HECW2: variants seen among roughly 807,000 people sequenced by gnomAD.
HECW2 encodes HECT, C2 and WW domain containing E3 ubiquitin protein ligase 2, also known as E3 ubiquitin-protein ligase HECW2.
HECW2 carries 61 observed loss-of-function variants against 175.2 expected under a neutral mutation model. The observed-to-expected ratio is 0.35, with a 90% CI of 0.28 to 0.43. The LOEUF is 0.43. HECW2 is among the 20% of genes least tolerant of loss of function. The probability of loss-of-function intolerance (pLI) is 1.00; values close to 1 mark genes in which losing one functional copy is unlikely to be tolerated. For missense variants in HECW2, 1,524 were observed against 2,000.5 expected (o/e 0.76, Z 4.54); for synonymous variants, 671 against 731.0 (o/e 0.92, Z 1.32).
intron 20 of HECW2, among the ~76,000 whole-genome samples, chr2:196,241,731 A>G (rs1038101614): frequency 3.9e-5 from 6 of 152,192 alleles, no homozygotes; most frequent in African/African-American, 1.2e-4. Flanking sequence ...TCAGTTCAGG[A>G]GACAGAAACT....
intron 21 of HECW2, among the ~76,000 whole-genome samples, chr2:196,235,191 A>G (rs1273853756): frequency 6.7e-6 from 1 of 150,108 alleles, no homozygotes; most frequent in Non-Finnish European, 1.5e-5. Flanking sequence ...TCTGCCTCCC[A>G]GGTTCAAGCA....
chr2:196,215,767 A>G (rs1687454764), intron 28 of HECW2, 98 bp downstream of exon 28: 2 of 853,094 alleles, frequency 2.3e-6, no homozygotes, highest in African/African-American at 1.7e-5. Context: ...CCGCTCTCCC[A>G]AACTTTTAAT....
chr2:196,303,118 C>T (rs2105693023), intron 13 of HECW2, among the ~76,000 whole-genome samples: 1 of 152,282 alleles, frequency 6.6e-6, no homozygotes, highest in South Asian at 2.1e-4. Flanking sequence ...GAGTTTTTAA[C>T]ATGAAGCGAT....
At position 196,225,865 on chromosome 2, in the gene HECW2, C is replaced by T. The variant is rs964043217; in HGVS notation, c.3923G>A (p.Arg1308Gln). The change falls in exon 23 of 29, where the codon CGA (arginine) becomes CAA (glutamine). Residue 1308 changes from arginine (R) to glutamine (Q), a missense_variant. By Grantham distance (43) the Arg-to-Gln change is conservative. Transcript: ENST00000644978. Reference protein sequence around the residue: ...AFVDNHHEWFRFSGRILGLAL... With the variant: ...AFVDNHHEWFQFSGRILGLAL... ...AAGACCAAGGATCCTACCACTGAAT[C>T]GGAACCTGTGAAGGAAACACATGAG... 8 of 1,605,118 alleles carry T rather than the reference C, an allele frequency of 5.0e-6. No individual in the cohort carries two copies. The highest frequency in any genetic ancestry group is 2.7e-5 in the African/African-American group (2 of 74,728).
chr2:196,433,217 C>A lies in HECW2; in HGVS notation c.207G>T (p.Thr69=), dbSNP rs80093741. 1.2e-6 allele frequency: 2 copies of A among 1,614,142 alleles called. No homozygotes were observed. The highest frequency in any genetic ancestry group is 2.7e-5 in the African/African-American group (2 of 75,052). Residue 69 remains threonine, a synonymous_variant, in exon 2 of 29, where the codon ACG becomes ACT. Coordinates refer to ENST00000644978, the MANE Select transcript of HECW2 (RefSeq NM_001348768.2). ...SSLTASMYEY[T]LGQAQNLIIF... is the part of the protein sequence containing the mutation. ...TAATGAGGTTCTGGGCTTGCCCCAG[C>A]GTGTACTCGTACATGCTGGCAGTTA...
chr2:196,356,419 C>T (rs1693370439), intron 2 of HECW2, among the ~76,000 whole-genome samples: 1 of 152,138 alleles, frequency 6.6e-6, no homozygotes, highest in Non-Finnish European at 1.5e-5. Flanking sequence ...CAGAAACAAA[C>T]AACTCATAAG....
At chr2:196,357,917 T>C (rs1050633876) in intron 2 of HECW2, among the ~76,000 whole-genome samples, 2 of 152,234 alleles carry the variant, frequency 1.3e-5, no homozygotes, top group Non-Finnish European at 2.9e-5. Context: ...CTCTTTTGTG[T>C]ATAAATTATC....
At chr2:196,254,254 G>T (rs1224273812) in intron 18 of HECW2, among the ~76,000 whole-genome samples, 1 of 152,112 alleles carries the variant, frequency 6.6e-6, no homozygotes, top group Non-Finnish European at 1.5e-5. Context: ...TGGACAACGT[G>T]ACTTTATTTT....
At chr2:196,484,118 T>C (rs1267180990) in intron 1 of HECW2, among the ~76,000 whole-genome samples, 4 of 152,192 alleles carry the variant, frequency 2.6e-5, no homozygotes, top group African/African-American at 9.6e-5. Context: ...GTCCTCTCTC[T>C]AAAATGGGAA....
intron 9 of HECW2, 126 bp from the exon 10 acceptor site, chr2:196,317,495 T>TGGGAA: frequency 2.9e-6 from 2 of 688,264 alleles, no homozygotes; most frequent in Non-Finnish European, 2.6e-6. Flanking sequence ...TCATTTCCCA[T>TGGGAA]ATGAGGACCT....
At chr2:196,348,068 A>T (rs1029341376) in intron 2 of HECW2, among the ~76,000 whole-genome samples, 2 of 152,274 alleles carry the variant, frequency 1.3e-5, no homozygotes, top group Non-Finnish European at 2.9e-5. Flanking sequence ...AGAAATGCCT[A>T]GAATGACTAA....
rs183624570 is a variant in HECW2 at position 196,433,496 on chromosome 2, A to G, written c.-35-38T>C. 1.2e-5 allele frequency: 18 copies of G among 1,452,250 alleles called. 1 individual carries two copies. The East Asian group carries it at 3.0e-4, about 24-fold the overall frequency. 90.0% of individuals were successfully genotyped at this position (1,452,250 alleles called of 1,614,324 possible). A position where few individuals can be genotyped will look rare whatever the true frequency, so the allele number is the denominator to read the frequency against. ...GATAAACATAAAACATTAGTGCTAC[A>G]ATACGAAGAATCAGATTTAAGCTTT... On this transcript the variant is annotated intron_variant, in intron 1 of 28. Transcript: ENST00000644978.
Position 196,354,168 on chromosome 2 carries a change from C to A in HECW2, c.293-10404G>T, listed in dbSNP as rs369867845. Reference sequence around the variant, plus strand: ...AGGCCAGAGTGGGGCTAGGAGCTAACTGGGCTGTTAATACACCACCATCAG... The same window carrying A: ...AGGCCAGAGTGGGGCTAGGAGCTAAATGGGCTGTTAATACACCACCATCAG... On this transcript the variant is annotated intron_variant, in intron 2 of 28. Transcript: ENST00000644978. Among the ~76,000 whole-genome samples the A allele has an allele frequency of 2.0e-5, 3 of 152,224 alleles. No homozygotes were observed. The South Asian group carries it at 6.2e-4, about 32-fold the overall frequency.
chr2:196,250,248 C>T (rs1215881168), intron 19 of HECW2, among the ~76,000 whole-genome samples: 1 of 152,214 alleles, frequency 6.6e-6, no homozygotes, highest in African/African-American at 2.4e-5. Flanking sequence ...CCAGCATAGG[C>T]TCTTACTAAG....
chr2:196,240,205 G>A (rs10176696), intron 21 of HECW2: 312,101 of 314,428 alleles, frequency 0.99, 154,949 homozygotes, highest in East Asian at 1. Context: ...AGAAGAAACT[G>A]AACTAGGCTT....
chr2:196,473,752 T>G (rs1482079368), intron 1 of HECW2, among the ~76,000 whole-genome samples: 1 of 152,208 alleles, frequency 6.6e-6, no homozygotes, highest in African/African-American at 2.4e-5. Flanking sequence ...ATGCTTTGCT[T>G]GAAAAAGATA....
chr2:196,335,866 A>G (rs1692531935), intron 3 of HECW2, among the ~76,000 whole-genome samples: 2 of 152,208 alleles, frequency 1.3e-5, no homozygotes, highest in South Asian at 4.1e-4. Flanking sequence ...GTGCAAGGGA[A>G]TCAAGGAAAG....
intron 1 of HECW2, among the ~76,000 whole-genome samples, chr2:196,491,834 A>G (rs569223131): frequency 2.6e-5 from 4 of 152,232 alleles, no homozygotes; most frequent in South Asian, 4.2e-4. Context: ...ATACTAGTAC[A>G]ATAATTAAAG....
intron 2 of HECW2, among the ~76,000 whole-genome samples, chr2:196,377,493 G>C (rs1212553879): frequency 6.6e-6 from 1 of 152,204 alleles, no homozygotes; most frequent in Non-Finnish European, 1.5e-5. Flanking sequence ...AGGCAAGAGA[G>C]GGCTTGTGCA....
Sources: gnomAD v4.1 joint callset for allele counts (sites outside exome capture counted in the v4.1 genomes callset) on GRCh38, gnomAD v4.1.1 for gene constraint, MANE v1.5 for transcripts, NCBI Gene and HGNC (gene_info 2026-07-23, HGNC 2026-07-21) for gene names.